The following CNTN4 variants were observed in gnomAD, a reference collection of about 807,000 sequenced individuals.
CNTN4 encodes contactin-4.
A neutral mutation model predicts 122.5 loss-of-function variants in CNTN4; 77 were observed. That is an observed-to-expected ratio of 0.63 (90% confidence interval 0.52 to 0.76). CNTN4 has a LOEUF of 0.76. Ranked by LOEUF, CNTN4 falls within the 30% of genes least tolerant of loss-of-function variation. The pLI, the probability that CNTN4 is intolerant of heterozygous loss-of-function variation, is 0.00. For missense variants in CNTN4, 1,256 were observed against 1,259.1 expected (o/e 1.00, Z 0.04); for synonymous variants, 512 against 447.0 (o/e 1.15, Z -1.83).
rs1012770863 is a variant in CNTN4, at chr3:2,190,939, C to T, written c.-145+90300C>T. On this transcript the variant is annotated intron_variant, in intron 2 of 24. Coordinates refer to ENST00000418658, the MANE Select transcript of CNTN4 (RefSeq NM_175607.3). ...ATATTCAGATATTAGCTGGGCTGGT[C>T]TTTACGTCTGAAGTTCTTGACTTTC... Among the ~76,000 whole-genome samples the T allele has an allele frequency of 7.2e-5, 11 of 152,054 alleles. 2 individuals are homozygous for T. Among genetic ancestry groups the T allele is most frequent in the Admixed American group, 7.2e-4 (11 of 15,240 alleles).
At chr3:2,291,108 C>T (rs2042116578) in intron 2 of CNTN4, among the ~76,000 whole-genome samples, 1 of 152,104 alleles carries the variant, frequency 6.6e-6, no homozygotes, top group African/African-American at 2.4e-5. Flanking sequence ...AGAATCTAGA[C>T]CCCATCACTG....
At position 2,117,769 on chromosome 3, in the gene CNTN4, G is replaced by A. The variant is rs4522748; in HGVS notation, c.-145+17130G>A. On this transcript the variant is annotated intron_variant, in intron 2 of 24. Transcript: ENST00000418658. ...TGGAATATTTTAAAATTTCCCGGGTGATTTTATTAGACACGCAGGGTTTAG... is the reference window on the plus strand; with the variant it reads ...TGGAATATTTTAAAATTTCCCGGGTAATTTTATTAGACACGCAGGGTTTAG... Among the ~76,000 whole-genome samples the A allele has an allele frequency of 2.6e-5, 4 of 151,936 alleles. 1 individual carries two copies. In the South Asian group the frequency reaches 8.3e-4, roughly 31 times the overall value.
At chr3:2,663,652 G>C (rs1360307412) in intron 4 of CNTN4, among the ~76,000 whole-genome samples, 4 of 152,066 alleles carry the variant, frequency 2.6e-5, no homozygotes, top group African/African-American at 9.7e-5. Flanking sequence ...AGAATTTAAA[G>C]GGCTCAAAGA....
At chr3:2,482,639 A>G (rs1278597473) in intron 3 of CNTN4, among the ~76,000 whole-genome samples, 2 of 152,118 alleles carry the variant, frequency 1.3e-5, no homozygotes, top group Non-Finnish European at 2.9e-5. Context: ...CCCCTGCTTT[A>G]TGCAGCTTAG....
chr3:2,210,786 A>G (rs575415510), intron 2 of CNTN4, among the ~76,000 whole-genome samples: 7 of 152,092 alleles, frequency 4.6e-5, no homozygotes, highest in Admixed American at 2.0e-4. Flanking sequence ...GAATCTGCCC[A>G]TTTCCTTCAA....
intron 2 of CNTN4, among the ~76,000 whole-genome samples, chr3:2,295,663 G>A (rs114530545): frequency 2.0e-3 from 302 of 152,194 alleles, no homozygotes; most frequent in African/African-American, 6.9e-3. Flanking sequence ...CTTTTACTGT[G>A]CAGAGGTCTT....
chr3:2,782,075 T>C (rs2091615931), intron 6 of CNTN4, among the ~76,000 whole-genome samples: 1 of 151,936 alleles, frequency 6.6e-6, no homozygotes, highest in South Asian at 2.1e-4. Flanking sequence ...AGACCAGTTT[T>C]ATTATGCAGA....
At position 2,677,794 on chromosome 3, in the gene CNTN4, G is replaced by GA. The variant is rs939473240; in HGVS notation, c.56-58411dup. 7.8e-4 allele frequency among the ~76,000 whole-genome samples: 115 copies of GA among 147,472 alleles called. 1 individual carries two copies. The highest frequency in any genetic ancestry group is 1.0e-3 in the Non-Finnish European group (68 of 66,692). ...TTGGAAGAAAAAGGAGTGAATGTTA[G>GA]AAAAAAAAAATAACAGGTTTCCTGC... On this transcript the variant is annotated intron_variant, in intron 4 of 24. Transcript: ENST00000418658.
intron 3 of CNTN4, among the ~76,000 whole-genome samples, chr3:2,434,002 G>A (rs1423070690): frequency 6.6e-6 from 1 of 152,096 alleles, no homozygotes; most frequent in African/African-American, 2.4e-5. Context: ...GGCTGGGGGA[G>A]GGATTGGATA....
At chr3:2,148,377 TAA>T (rs796261700) in intron 2 of CNTN4, among the ~76,000 whole-genome samples, 2 of 142,908 alleles carry the variant, frequency 1.4e-5, no homozygotes, top group South Asian at 2.2e-4. Context: ...CTACAGAAAA[TAA>T]AAAAAAAAAA....
chr3:2,872,356 T>TAC (rs974149082), intron 8 of CNTN4, among the ~76,000 whole-genome samples: 1 of 152,204 alleles, frequency 6.6e-6, no homozygotes, highest in Non-Finnish European at 1.5e-5. Flanking sequence ...CACATTACAT[T>TAC]ACACACACAG....
At chr3:2,287,445 C>T (rs766459071) in intron 2 of CNTN4, among the ~76,000 whole-genome samples, 2 of 151,640 alleles carry the variant, frequency 1.3e-5, no homozygotes, top group Non-Finnish European at 2.9e-5. Context: ...CTACAAAAAT[C>T]ACCAAAATTA....
intron 2 of CNTN4, among the ~76,000 whole-genome samples, chr3:2,152,745 T>G (rs537136589): frequency 6.6e-6 from 1 of 152,096 alleles, no homozygotes; most frequent in South Asian, 2.1e-4. Flanking sequence ...CCTTCCTGAG[T>G]TAGGCTTGGC....
At chr3:2,927,154 G>A (rs1302162296) in intron 13 of CNTN4, 2 of 300,146 alleles carry the variant, frequency 6.7e-6, no homozygotes, top group Non-Finnish European at 1.3e-5. Context: ...AATAATATGG[G>A]TATTAGACAT....
intron 4 of CNTN4, among the ~76,000 whole-genome samples, chr3:2,622,343 T>C (rs2082021780): frequency 6.6e-6 from 1 of 152,198 alleles, no homozygotes; most frequent in African/African-American, 2.4e-5. Context: ...AAATGTGATG[T>C]TACTTTTTTG....
chr3:2,496,783 G>T (rs1198394251), intron 3 of CNTN4, among the ~76,000 whole-genome samples: 4 of 152,156 alleles, frequency 2.6e-5, no homozygotes, highest in Admixed American at 2.6e-4. Context: ...GTGTTCCCTT[G>T]TGTTAAGGCT....
intron 20 of CNTN4, 36 bp downstream of exon 20, chr3:3,040,307 T>A: frequency 6.8e-7 from 1 of 1,463,736 alleles, no homozygotes; most frequent in Non-Finnish European, 9.6e-7. Context: ...TGACTGTTAA[T>A]ATTTCTTCAA....
intron 7 of CNTN4, among the ~76,000 whole-genome samples, chr3:2,840,536 T>TA (rs2093337479): frequency 6.5e-5 from 2 of 30,738 alleles, no homozygotes; most frequent in South Asian, 3.5e-3. Flanking sequence ...CCGTCTCTAC[T>TA]AAAAATACAA....
intron 4 of CNTN4, among the ~76,000 whole-genome samples, chr3:2,594,593 G>A (rs2080672380): frequency 6.6e-6 from 1 of 151,502 alleles, no homozygotes; most frequent in Admixed American, 6.6e-5. Context: ...TAATATTTAT[G>A]TTTTTTTTGG....
Sources: allele counts gnomAD v4.1 joint callset (sites outside exome capture counted in the v4.1 genomes callset), GRCh38; gene constraint gnomAD v4.1.1; transcripts MANE v1.5; gene names NCBI Gene and HGNC (gene_info 2026-07-23, HGNC 2026-07-21).